MTMR10: variants seen among roughly 807,000 people sequenced by gnomAD.
The protein encoded by MTMR10 is myotubularin related protein 10, also known as myotubularin-related protein 10.
MTMR10 carries 56 observed loss-of-function variants against 88.1 expected under a neutral mutation model. That is an observed-to-expected ratio of 0.64 (90% CI 0.51 to 0.79). The LOEUF is 0.79. Among genes scored for constraint, MTMR10 ranks in the 30% least tolerant of loss-of-function variants. The pLI is 0.00. For synonymous variants in MTMR10, 380 were observed against 340.9 expected (o/e 1.11, Z -1.26); for missense variants, 883 against 924.7 (o/e 0.95, Z 0.58).
At chr15:30,961,533 G>A (rs943761439) in intron 6 of MTMR10, among the ~76,000 whole-genome samples, 2 of 152,122 alleles carry the variant, frequency 1.3e-5, no homozygotes, top group African/African-American at 2.4e-5. Context: ...GAGCCACCAC[G>A]CCTGGCCTAA....
rs751869786 is a variant in MTMR10, at chr15:30,958,629, G to GT, written c.935+233dup. On this transcript the variant is annotated intron_variant, in intron 9 of 15. Transcript: ENST00000435680. ...AATGCTATAGCAAGATGTCAGCAAT[G>GT]TAAGATCCACAAGTGTCTTACAAAC... 9.8e-5 allele frequency among the ~76,000 whole-genome samples: 15 copies of GT among 152,348 alleles called. No homozygotes were observed. In the East Asian group the frequency reaches 1.3e-3, roughly 14 times the overall value.
At chr15:30,925,019 A>G in the MTMR10 span, 1 of 1,182,054 alleles carries the variant, frequency 8.5e-7, no homozygotes, top group Non-Finnish European at 1.2e-6. Context: ...CTCATTTGCT[A>G]ATCAGCAAAA....
rs112628479 is a variant in MTMR10 at position 30,943,351 on chromosome 15, G to A, written c.1549-279C>T. 2,636 of 985,120 alleles carry A rather than the reference G, an allele frequency of 2.7e-3. 4 individuals are homozygous for A. The highest frequency in any genetic ancestry group is 4.2e-3 in the Admixed American group (69 of 16,286). The allele number at this position is 985,120 out of a possible 1,614,324, so 61.0% of individuals were successfully genotyped here. The stretch of plus-strand genomic sequence containing the variant: ...TTGGGCAATAAGAATGTTATTAAGA[G>A]AAGTTTCACTAACATGATACTAGAA... On this transcript the variant is annotated intron_variant, in intron 14 of 15. Transcript: ENST00000435680.
At chr15:30,961,815 A>G (rs1305964766) in intron 6 of MTMR10, among the ~76,000 whole-genome samples, 1 of 151,996 alleles carries the variant, frequency 6.6e-6, no homozygotes, top group Non-Finnish European at 1.5e-5. Context: ...TTAATTTTCA[A>G]TTGTCTTCCA....
intron 9 of MTMR10, among the ~76,000 whole-genome samples, chr15:30,957,558 A>G (rs2063344556): frequency 1.3e-5 from 2 of 152,318 alleles, no homozygotes; most frequent in South Asian, 4.1e-4. Flanking sequence ...TCTTGTCTCT[A>G]TTAAAAATAC....
At chr15:30,928,697 C>A in the MTMR10 span, 98 of 1,612,492 alleles carry the variant, frequency 6.1e-5, no homozygotes, top group Middle Eastern at 4.7e-3. Context: ...TCCTTCTGCA[C>A]ACATCCGTGG....
chr15:30,939,705 A>AAAAC lies in MTMR10; in HGVS notation c.*1761_*1764dup, dbSNP rs2062974430. 3 of 972,628 alleles carry AAAAC rather than the reference A, an allele frequency of 3.1e-6. No individual in the cohort carries two copies. The African/African-American group carries it at 5.3e-5, about 17-fold the overall frequency. 60.2% of individuals were successfully genotyped at this position (972,628 alleles called of 1,614,324 possible). A position where few individuals can be genotyped will look rare whatever the true frequency, so the allele number is the denominator to read the frequency against. The stretch of plus-strand genomic sequence containing the variant: ...TTACAGAGGGAAAAATGCTCAATCC[A>AAAAC]AAACATTTAGTAATAATAAAAAAGC... On this transcript the variant is annotated 3_prime_UTR_variant, in exon 16 of 16. Coordinates refer to ENST00000435680, the MANE Select transcript of MTMR10 (RefSeq NM_017762.3).
Position 30,948,424 on chromosome 15 carries a change from C to T in MTMR10, c.1255G>A (p.Val419Met), listed in dbSNP as rs2063201068. 6.2e-7 allele frequency: 1 copy of T among 1,612,658 alleles called. No homozygotes were observed. The highest frequency in any genetic ancestry group is 8.5e-7 in the Non-Finnish European group (1 of 1,179,230). Reference sequence around the variant, plus strand: ...GTCCTAAAATAGGGATCCAGCATCACTTGAACAAGAGAAGCTACACAACAG... The same window carrying T: ...GTCCTAAAATAGGGATCCAGCATCATTTGAACAAGAGAAGCTACACAACAG... Reference protein sequence around the residue: ...LSCCVASLVQVMLDPYFRTIT... With the variant: ...LSCCVASLVQMMLDPYFRTIT... Residue 419 changes from valine to methionine, a missense_variant, in exon 13 of 16, where the codon GTG becomes ATG. Coordinates refer to ENST00000435680, the MANE Select transcript of MTMR10 (RefSeq NM_017762.3).
the MTMR10 span, chr15:30,920,425 A>C: frequency 1.4e-6 from 1 of 692,422 alleles, no homozygotes; most frequent in Non-Finnish European, 2.5e-6. Flanking sequence ...TACACAACTG[A>C]AAGTATTTAG....
intron 6 of MTMR10, among the ~76,000 whole-genome samples, chr15:30,962,126 A>T (rs1376317789): frequency 2.0e-5 from 3 of 152,184 alleles, no homozygotes; most frequent in African/African-American, 7.2e-5. Flanking sequence ...TTCCACATGA[A>T]GATTACAGCA....
chr15:30,931,929 A>C, the MTMR10 span, among the ~76,000 whole-genome samples: 1 of 151,836 alleles, frequency 6.6e-6, no homozygotes, highest in African/African-American at 2.4e-5. Flanking sequence ...AAGAAAAAAA[A>C]AAGCCAGCTG....
intron 12 of MTMR10, among the ~76,000 whole-genome samples, chr15:30,951,401 G>GGGGAT (rs1431364086): frequency 6.6e-6 from 1 of 152,142 alleles, no homozygotes; most frequent in Non-Finnish European, 1.5e-5. Context: ...TAATCCATTA[G>GGGGAT]GGGATGGGAC....
chr15:30,985,515 G>A (rs1019769583), intron 2 of MTMR10, among the ~76,000 whole-genome samples: 1 of 152,326 alleles, frequency 6.6e-6, no homozygotes, highest in East Asian at 1.9e-4. Flanking sequence ...CTCTGGCTCT[G>A]CCTTGCTAGC....
At chr15:30,968,525 C>T (rs900805081) in intron 5 of MTMR10, among the ~76,000 whole-genome samples, 8 of 121,578 alleles carry the variant, frequency 6.6e-5, no homozygotes, top group Non-Finnish European at 1.3e-4. Flanking sequence ...AGAGGTACAT[C>T]AAAAAAACAA....
At chr15:30,920,541 T>C in the MTMR10 span, 8,971 of 1,595,786 alleles carry the variant, frequency 5.6e-3, 37 homozygotes, top group Middle Eastern at 7.5e-3. Flanking sequence ...TGTCTTCATT[T>C]TAGATGCCAC....
intron 2 of MTMR10, among the ~76,000 whole-genome samples, chr15:30,984,062 C>T (rs2030773415): frequency 1.3e-5 from 2 of 152,104 alleles, no homozygotes; most frequent in South Asian, 4.1e-4. Flanking sequence ...AATAAGGCAT[C>T]TGGAAGAGAC....
intron 14 of MTMR10, among the ~76,000 whole-genome samples, chr15:30,945,413 C>A (rs1442148212): frequency 6.6e-6 from 1 of 152,170 alleles, no homozygotes; most frequent in African/African-American, 2.4e-5. Flanking sequence ...TGTCCGCACA[C>A]ACAGCATCAG....
intron 2 of MTMR10, among the ~76,000 whole-genome samples, chr15:30,978,231 C>T (rs2030302626): frequency 6.6e-6 from 1 of 152,172 alleles, no homozygotes; most frequent in African/African-American, 2.4e-5. Flanking sequence ...ATGATAGCTA[C>T]AATTATATTT....
intron 6 of MTMR10, 131 bp from the exon 7 acceptor site, chr15:30,961,204 G>A (rs1387853625): frequency 1.4e-5 from 18 of 1,249,310 alleles, no homozygotes; most frequent in Middle Eastern, 2.2e-4. Context: ...AAGTCTCTCC[G>A]AGAACTGTCT....
Sources: allele counts gnomAD v4.1 joint callset (sites outside exome capture counted in the v4.1 genomes callset), GRCh38; gene constraint gnomAD v4.1.1; transcripts MANE v1.5; gene names NCBI Gene and HGNC (gene_info 2026-07-23, HGNC 2026-07-21).